The following CCSER1 variants were observed in gnomAD, a reference collection of about 807,000 sequenced individuals.
The protein encoded by CCSER1 is serine-rich coiled-coil domain-containing protein 1.
A neutral mutation model predicts 82.0 loss-of-function variants in CCSER1; 41 were observed. That is an observed-to-expected ratio of 0.50 (90% CI 0.39 to 0.65). CCSER1 has a LOEUF of 0.65. CCSER1 is among the 30% of genes least tolerant of loss of function. The probability of loss-of-function intolerance (pLI) is 0.00; values close to 1 mark genes in which losing one functional copy is unlikely to be tolerated. For missense variants in CCSER1, 1,119 were observed against 1,064.2 expected (o/e 1.05, Z -0.72); for synonymous variants, 414 against 383.9 (o/e 1.08, Z -0.92).
chr4:90,928,717 A>T (rs1001855285), intron 9 of CCSER1, among the ~76,000 whole-genome samples: 9 of 152,058 alleles, frequency 5.9e-5, no homozygotes, highest in African/African-American at 1.9e-4. Context: ...TGAGGTGAAA[A>T]TCGTGTTTAA....
chr4:91,207,054 A>G (rs1239306461), intron 10 of CCSER1, among the ~76,000 whole-genome samples: 1 of 151,844 alleles, frequency 6.6e-6, no homozygotes, highest in Non-Finnish European at 1.5e-5. Context: ...TGGACCATGG[A>G]AAGGATGCTC....
intron 9 of CCSER1, among the ~76,000 whole-genome samples, chr4:90,940,958 T>A (rs1731513233): frequency 6.6e-6 from 1 of 152,152 alleles, no homozygotes; most frequent in Admixed American, 6.5e-5. Context: ...AAATGTGATG[T>A]ATGCATTGAT....
At chr4:91,095,093 G>A (rs762788137) in intron 10 of CCSER1, among the ~76,000 whole-genome samples, 128 of 152,152 alleles carry the variant, frequency 8.4e-4, no homozygotes, top group Non-Finnish European at 1.5e-3. Context: ...CTGAGTGTCC[G>A]GCACCAGTAT....
At chr4:91,416,733 C>G (rs553516130) in intron 10 of CCSER1, among the ~76,000 whole-genome samples, 7 of 152,160 alleles carry the variant, frequency 4.6e-5, no homozygotes, top group African/African-American at 1.4e-4. Flanking sequence ...GACTGCAAAA[C>G]CAAAAACTAT....
At chr4:90,333,886 A>G (rs187136778) in intron 3 of CCSER1, among the ~76,000 whole-genome samples, 8 of 152,316 alleles carry the variant, frequency 5.3e-5, no homozygotes, top group Admixed American at 2.6e-4. Context: ...ATTACTAGAC[A>G]AAAACATTTG....
chr4:90,191,147 A>T (rs945142883), intron 1 of CCSER1, among the ~76,000 whole-genome samples: 1 of 152,146 alleles, frequency 6.6e-6, no homozygotes, highest in Non-Finnish European at 1.5e-5. Flanking sequence ...TTTATAAAAA[A>T]GTGGAAGAAA....
At chr4:90,367,431 G>C (rs1174149563) in intron 3 of CCSER1, among the ~76,000 whole-genome samples, 1 of 151,822 alleles carries the variant, frequency 6.6e-6, no homozygotes, top group African/African-American at 2.4e-5. Context: ...GAATTTGTAT[G>C]TAATTAGTAG....
chr4:90,259,959 A>G (rs1041710113), intron 1 of CCSER1, among the ~76,000 whole-genome samples: 2 of 152,014 alleles, frequency 1.3e-5, no homozygotes, highest in African/African-American at 2.4e-5. Flanking sequence ...TGGTTTTGCT[A>G]TTAGGGTGGT....
intron 5 of CCSER1, among the ~76,000 whole-genome samples, chr4:90,528,059 C>A (rs1774014700): frequency 6.6e-6 from 1 of 152,084 alleles, no homozygotes; most frequent in African/African-American, 2.4e-5. Context: ...CAAAATTTAA[C>A]TTTAAAGTGG....
intron 10 of CCSER1, among the ~76,000 whole-genome samples, chr4:91,265,799 TG>T (rs1190075783): frequency 6.6e-6 from 1 of 152,212 alleles, no homozygotes; most frequent in Non-Finnish European, 1.5e-5. Flanking sequence ...TGAAAAATTT[TG>T]GGAAAACGAG....
intron 10 of CCSER1, among the ~76,000 whole-genome samples, chr4:91,232,034 T>C (rs1275928750): frequency 1.3e-5 from 2 of 151,696 alleles, no homozygotes; most frequent in African/African-American, 4.8e-5. Flanking sequence ...ATGACAAAAA[T>C]ATGGAGAGAA....
At chr4:90,913,172 A>G (rs1041370850) in intron 8 of CCSER1, among the ~76,000 whole-genome samples, 4 of 152,154 alleles carry the variant, frequency 2.6e-5, no homozygotes, top group Admixed American at 6.5e-5. Flanking sequence ...GAGCTACTCC[A>G]AGACACGTAG....
At chr4:90,342,148 A>T (rs1328965196) in intron 3 of CCSER1, among the ~76,000 whole-genome samples, 1 of 152,208 alleles carries the variant, frequency 6.6e-6, no homozygotes, top group East Asian at 1.9e-4. Flanking sequence ...AATACAAGAG[A>T]TTTGAAAGCG....
intron 3 of CCSER1, among the ~76,000 whole-genome samples, chr4:90,320,805 G>T (rs1204536648): frequency 6.6e-6 from 1 of 151,978 alleles, no homozygotes; most frequent in Non-Finnish European, 1.5e-5. Flanking sequence ...TATGTTTGTT[G>T]GGCAAAATTA....
chr4:90,953,170 T>G (rs926359157), intron 9 of CCSER1, among the ~76,000 whole-genome samples: 1 of 152,032 alleles, frequency 6.6e-6, no homozygotes, highest in Non-Finnish European at 1.5e-5. Context: ...TAACTTTTAT[T>G]GTTATAGTTA....
chr4:90,933,088 A>AAAAG (rs745969187), intron 9 of CCSER1, among the ~76,000 whole-genome samples: 1 of 50,350 alleles, frequency 2.0e-5, no homozygotes, highest in East Asian at 3.6e-4. Flanking sequence ...GAAAGAAAAG[A>AAAAG]AAAGAAAGAA....
At chr4:91,198,997 C>T (rs765859018) in intron 10 of CCSER1, among the ~76,000 whole-genome samples, 3 of 152,138 alleles carry the variant, frequency 2.0e-5, no homozygotes, top group African/African-American at 7.2e-5. Flanking sequence ...AAGAGCAAGA[C>T]GGCTGCAGCA....
chr4:90,931,899 C>A (rs1729870794), intron 9 of CCSER1, among the ~76,000 whole-genome samples: 1 of 152,012 alleles, frequency 6.6e-6, no homozygotes, highest in African/African-American at 2.4e-5. Context: ...GGAAAAAAGT[C>A]ATTGAAATGT....
chr4:91,337,803 C>G (rs1747423706), intron 10 of CCSER1, among the ~76,000 whole-genome samples: 1 of 152,078 alleles, frequency 6.6e-6, no homozygotes, highest in African/African-American at 2.4e-5. Flanking sequence ...ATTAATATAT[C>G]AGGGTTTAAT....
Sources: allele counts gnomAD v4.1 joint callset (sites outside exome capture counted in the v4.1 genomes callset), GRCh38; gene constraint gnomAD v4.1.1; transcripts MANE v1.5; gene names NCBI Gene and HGNC (gene_info 2026-07-23, HGNC 2026-07-21).